The following EYS variants were observed in gnomAD, a reference collection of about 807,000 sequenced individuals.
EYS encodes the protein EGF-like photoreceptor maintenance factor, also known as protein eyes shut homolog.
Under a neutral mutation model 282.1 loss-of-function variants are expected in EYS, and 250 were observed. The observed-to-expected ratio is 0.89, with a 90% CI of 0.80 to 0.98. The LOEUF (loss-of-function observed/expected upper bound fraction) is 0.98. Ranked by LOEUF, EYS falls within the 50% of genes least tolerant of loss-of-function variation. The pLI, the probability that EYS is intolerant of heterozygous loss-of-function variation, is 0.00. For synonymous variants in EYS, 1,355 were observed against 1,282.9 expected (o/e 1.06, Z -1.20); for missense variants, 4,016 against 3,709.0 (o/e 1.08, Z -2.15).
At chr6:64,221,379 TTTTCTC>T (rs1177070519) in intron 31 of EYS, among the ~76,000 whole-genome samples, 1 of 152,058 alleles carries the variant, frequency 6.6e-6, no homozygotes, top group African/African-American at 2.4e-5. Flanking sequence ...CCCTTTTTCT[TTTTCTC>T]TTTCATTGTT....
chr6:65,319,664 A>G lies in EYS; in HGVS notation c.1766+15316T>C, dbSNP rs1011113109. 3.9e-5 allele frequency among the ~76,000 whole-genome samples: 6 copies of G among 152,192 alleles called. 1 individual carries two copies. The highest frequency in any genetic ancestry group is 1.4e-4 in the African/African-American group (6 of 41,440). On this transcript the variant is annotated intron_variant, in intron 11 of 42. Coordinates refer to ENST00000503581, the MANE Select transcript of EYS (RefSeq NM_001142800.2). ...TGAACTAGCACATTGTAGACACTCAATAAGTATTTGTTGAATCAGTGATAC... is the reference window on the plus strand; with the variant it reads ...TGAACTAGCACATTGTAGACACTCAGTAAGTATTTGTTGAATCAGTGATAC...
chr6:65,274,909 G>T lies in EYS; in HGVS notation c.2023+20954C>A, dbSNP rs201999091. Among the ~76,000 whole-genome samples, 9 of 148,528 alleles carry T rather than the reference G, an allele frequency of 6.1e-5. 1 individual carries two copies. Among genetic ancestry groups the T allele is most frequent in the African/African-American group, 2.2e-4 (9 of 40,310 alleles). Reference sequence around the variant, plus strand: ...GGTTCCTCCTACAGCCAAAAAAAAAGGAGAGAGAGAGAGAGAGAGAGAGAG... The same window carrying T: ...GGTTCCTCCTACAGCCAAAAAAAAATGAGAGAGAGAGAGAGAGAGAGAGAG... On this transcript the variant is annotated intron_variant, in intron 12 of 42. Coordinates refer to ENST00000503581, the MANE Select transcript of EYS (RefSeq NM_001142800.2).
At chr6:65,591,147 T>C (rs998383348) in intron 2 of EYS, among the ~76,000 whole-genome samples, 3 of 151,818 alleles carry the variant, frequency 2.0e-5, no homozygotes, top group South Asian at 2.1e-4. Flanking sequence ...ACATTTGTTA[T>C]TTTTTGTCTT....
At chr6:64,130,347 G>C (rs2150281014) in intron 31 of EYS, among the ~76,000 whole-genome samples, 1 of 152,206 alleles carries the variant, frequency 6.6e-6, no homozygotes, top group East Asian at 1.9e-4. Flanking sequence ...GGATGAAGCT[G>C]GAAACCATCC....
intron 14 of EYS, among the ~76,000 whole-genome samples, chr6:64,957,992 G>T (rs1297937056): frequency 6.6e-6 from 1 of 151,996 alleles, no homozygotes; most frequent in South Asian, 2.1e-4. Context: ...TAGCCTATTT[G>T]ACAGTTTTAT....
At chr6:63,976,272 A>G (rs1766832779) in intron 35 of EYS, among the ~76,000 whole-genome samples, 2 of 152,064 alleles carry the variant, frequency 1.3e-5, no homozygotes, top group South Asian at 4.1e-4. Context: ...TACTAAATTT[A>G]CAAAAACAAA....
At chr6:65,096,505 G>T (rs1458268691) in intron 12 of EYS, among the ~76,000 whole-genome samples, 2 of 150,844 alleles carry the variant, frequency 1.3e-5, no homozygotes, top group African/African-American at 4.8e-5. Flanking sequence ...TGTGAAATTT[G>T]TATGATACCA....
intron 12 of EYS, among the ~76,000 whole-genome samples, chr6:65,105,110 G>C (rs1264519081): frequency 6.6e-6 from 1 of 151,322 alleles, no homozygotes; most frequent in Non-Finnish European, 1.5e-5. Flanking sequence ...TTTAACTATT[G>C]TTTTGAAAAA....
intron 15 of EYS, among the ~76,000 whole-genome samples, chr6:64,934,060 C>T (rs1768821009): frequency 6.6e-6 from 1 of 151,480 alleles, no homozygotes; most frequent in African/African-American, 2.4e-5. Context: ...ACCACCATGG[C>T]ATGTGTATGG....
chr6:64,512,107 A>C (rs921799198), intron 26 of EYS, among the ~76,000 whole-genome samples: 3 of 152,116 alleles, frequency 2.0e-5, no homozygotes, highest in Non-Finnish European at 4.4e-5. Context: ...ACATTTATGC[A>C]CACATACATA....
At position 65,515,953 on chromosome 6, in the gene EYS, A is replaced by G. The variant is rs138927014; in HGVS notation, c.-332-19960T>C. 6.5e-3 allele frequency among the ~76,000 whole-genome samples: 987 copies of G among 152,194 alleles called. 13 individuals are homozygous for G. Among genetic ancestry groups the G allele is most frequent in the East Asian group, 6.6e-3 (34 of 5,176 alleles). On this transcript the variant is annotated intron_variant, in intron 2 of 42. Coordinates refer to ENST00000503581, the MANE Select transcript of EYS (RefSeq NM_001142800.2). Reference sequence around the variant, plus strand: ...ACTTAAAGTATAATAATAATAAAATAAAATTCTTCTTCAATATACTAAAGC... The same window carrying G: ...ACTTAAAGTATAATAATAATAAAATGAAATTCTTCTTCAATATACTAAAGC...
rs1016026101 is a variant in EYS at position 65,201,676 on chromosome 6, T to C, written c.2023+94187A>G. On this transcript the variant is annotated intron_variant, in intron 12 of 42. Coordinates refer to ENST00000503581, the MANE Select transcript of EYS (RefSeq NM_001142800.2). ...GATTTCAAATATGTATTTTATGCCA[T>C]GGATAAAGTTTATCTCTCTTATTCT... 1.1e-4 allele frequency among the ~76,000 whole-genome samples: 16 copies of C among 152,224 alleles called. 1 individual carries two copies. The highest frequency in any genetic ancestry group is 1.3e-4 in the Admixed American group (2 of 15,286).
In EYS at chr6:64,949,576, CAT is replaced by C. The variant is rs556641737; in HGVS notation, c.2260-3664_2260-3663del. ...TAGGGCAGCCCATGTAGGACAACCA[CAT>C]GTTTGATTAAATAAAAGTCACTTAT... On this transcript the variant is annotated intron_variant, in intron 14 of 42. Transcript: ENST00000503581. Among the ~76,000 whole-genome samples the C allele has an allele frequency of 3.7e-3, 559 of 151,990 alleles. 1 individual carries two copies. The highest frequency in any genetic ancestry group is 0.012 in the African/African-American group (498 of 41,520).
At chr6:65,193,405 T>C (rs1765687829) in intron 12 of EYS, among the ~76,000 whole-genome samples, 1 of 151,796 alleles carries the variant, frequency 6.6e-6, no homozygotes, top group East Asian at 1.9e-4. Flanking sequence ...TTTTCACCCA[T>C]ATACCTATAT....
chr6:65,484,350 A>G (rs1340645782), intron 5 of EYS, among the ~76,000 whole-genome samples: 1 of 152,200 alleles, frequency 6.6e-6, no homozygotes, highest in Non-Finnish European at 1.5e-5. Flanking sequence ...GATGAGTTTG[A>G]TAAATCACCA....
At chr6:64,409,531 C>G (rs1194755142) in intron 28 of EYS, among the ~76,000 whole-genome samples, 2 of 152,162 alleles carry the variant, frequency 1.3e-5, no homozygotes, top group Non-Finnish European at 2.9e-5. Context: ...TTTAATCTAG[C>G]AAAATGCGAA....
At chr6:64,525,764 T>C (rs983527486) in intron 26 of EYS, among the ~76,000 whole-genome samples, 1 of 151,832 alleles carries the variant, frequency 6.6e-6, no homozygotes, top group Non-Finnish European at 1.5e-5. Flanking sequence ...CATACACTTC[T>C]GGTAGGCATG....
At chr6:65,059,015 T>C (rs992762055) in intron 12 of EYS, among the ~76,000 whole-genome samples, 2 of 152,010 alleles carry the variant, frequency 1.3e-5, no homozygotes, top group African/African-American at 4.8e-5. Context: ...CTGGACTAAA[T>C]AGAAAATATC....
chr6:64,823,558 A>G (rs1036213486), intron 19 of EYS, among the ~76,000 whole-genome samples: 2 of 151,982 alleles, frequency 1.3e-5, no homozygotes, highest in African/African-American at 2.4e-5. Flanking sequence ...TGCCCATTAC[A>G]TCCATTACTA....
Sources: gnomAD v4.1 joint callset for allele counts (sites outside exome capture counted in the v4.1 genomes callset) on GRCh38, gnomAD v4.1.1 for gene constraint, MANE v1.5 for transcripts, NCBI Gene and HGNC (gene_info 2026-07-23, HGNC 2026-07-21) for gene names.